Variants in SLC30A7 observed in about 807,000 individuals in gnomAD.
The protein encoded by SLC30A7 is solute carrier family 30 member 7, also known as zinc transporter 7.
In SLC30A7, 35 loss-of-function variants were observed where a neutral mutation model predicts 46.0. The ratio of observed to expected loss-of-function variants is 0.76; its 90% CI spans 0.58 to 1.01. The LOEUF (loss-of-function observed/expected upper bound fraction) is 1.01. Among genes scored for constraint, SLC30A7 ranks in the 50% least tolerant of loss-of-function variants. SLC30A7 has a pLI of 0.00. For synonymous variants in SLC30A7, 147 were observed against 157.8 expected (o/e 0.93, Z 0.51); for missense variants, 464 against 451.1 (o/e 1.03, Z -0.26).
rs1376543569 is a variant in SLC30A7, at chr1:100,960,465, TAGTG to T, written c.843-1360_843-1357del. On this transcript the variant is annotated intron_variant, in intron 8 of 10. Transcript: ENST00000357650. Reference sequence around the variant, plus strand: ...ACTTTGCTAGACCTTGAGAATATAATAGTGAGCCAGATAAGCATTGTCTCTATTC... The same window carrying T: ...ACTTTGCTAGACCTTGAGAATATAATAGCCAGATAAGCATTGTCTCTATTC... 2.0e-5 allele frequency among the ~76,000 whole-genome samples: 3 copies of T among 152,180 alleles called. No individual in the cohort carries two copies. In the East Asian group the frequency reaches 5.8e-4, roughly 29 times the overall value.
At chr1:100,955,898 A>G (rs1294491043) in intron 8 of SLC30A7, among the ~76,000 whole-genome samples, 3 of 152,114 alleles carry the variant, frequency 2.0e-5, no homozygotes, top group African/African-American at 7.2e-5. Flanking sequence ...TTTATGACCT[A>G]GTTATTGCTC....
At chr1:100,950,194 A>G (rs1335945253) in intron 8 of SLC30A7, among the ~76,000 whole-genome samples, 1 of 152,222 alleles carries the variant, frequency 6.6e-6, no homozygotes, top group East Asian at 1.9e-4. Context: ...GCCTGCCCTT[A>G]AATTAATCTG....
Position 100,977,675 on chromosome 1 carries a change from C to T in SLC30A7, c.*2818C>T, listed in dbSNP as rs1330067306. 6.6e-6 allele frequency: 1 copy of T among 152,188 alleles called. No individual in the cohort carries two copies. Among genetic ancestry groups the T allele is most frequent in the African/African-American group, 2.4e-5 (1 of 41,444 alleles). The allele number at this position is 152,188 out of a possible 1,614,324, so 9.4% of individuals were successfully genotyped here. A position where few individuals can be genotyped will look rare whatever the true frequency, so the allele number is the denominator to read the frequency against. ...CTCTGGACAACAAATTTGTATTGCT[C>T]AGGGACAGTTTACCTTGCCTGGTAA... On this transcript the variant is annotated 3_prime_UTR_variant, in exon 11 of 11. Transcript: ENST00000357650.
intron 5 of SLC30A7, among the ~76,000 whole-genome samples, chr1:100,913,177 G>T (rs1208633794): frequency 6.6e-6 from 1 of 152,100 alleles, no homozygotes; most frequent in African/African-American, 2.4e-5. Context: ...TACTGATTCT[G>T]TTACCAAATG....
At chr1:100,981,879 A>G (rs1051498894), downstream of SLC30A7, 2 of 152,260 alleles carry the variant, frequency 1.3e-5, no homozygotes, top group Admixed American at 1.3e-4. Context: ...GAGCCAAGAA[A>G]CAGCAGAACT....
chr1:100,950,826 C>A (rs1654913726), intron 8 of SLC30A7, among the ~76,000 whole-genome samples: 1 of 152,108 alleles, frequency 6.6e-6, no homozygotes, highest in South Asian at 2.1e-4. Flanking sequence ...ATTCATGTCC[C>A]CCTGTGACAT....
intron 8 of SLC30A7, chr1:100,941,220 C>A (rs998073866): frequency 2.7e-6 from 1 of 373,028 alleles, no homozygotes; most frequent in Non-Finnish European, 5.2e-6. Context: ...AAATTTGCTT[C>A]CATTATTACA....
chr1:100,983,959 G>C (rs145560613), downstream of SLC30A7, among the ~76,000 whole-genome samples: 1,003 of 152,294 alleles, frequency 6.6e-3, 10 homozygotes, highest in African/African-American at 0.022. Flanking sequence ...TTATTGTCCT[G>C]TATGTGCATC....
chr1:100,960,950 T>TG (rs1655508832), intron 8 of SLC30A7, among the ~76,000 whole-genome samples: 1 of 139,022 alleles, frequency 7.2e-6, no homozygotes, highest in African/African-American at 2.8e-5. Flanking sequence ...TTTGTGTGTT[T>TG]TTTTTTTTTT....
At chr1:100,957,508 C>A (rs1489007939) in intron 8 of SLC30A7, among the ~76,000 whole-genome samples, 1 of 152,030 alleles carries the variant, frequency 6.6e-6, no homozygotes, top group Non-Finnish European at 1.5e-5. Context: ...AAAGAAATTG[C>A]CTGGATGTTT....
chr1:100,971,605 A>G lies in SLC30A7; in HGVS notation c.1084-3205A>G, dbSNP rs566920500. Among the ~76,000 whole-genome samples, 3 of 152,296 alleles carry G rather than the reference A, an allele frequency of 2.0e-5. No individual in the cohort carries two copies. In the South Asian group the frequency reaches 6.2e-4, roughly 32 times the overall value. On this transcript the variant is annotated intron_variant, in intron 10 of 10. Transcript: ENST00000357650. Reference sequence around the variant, plus strand: ...AGCAGCTAGTATTTATTGAGAGCTCATCATGTGCCAAGTACTGTGATCAGT... The same window carrying G: ...AGCAGCTAGTATTTATTGAGAGCTCGTCATGTGCCAAGTACTGTGATCAGT...
chr1:100,907,452 C>T (rs1651753340), intron 3 of SLC30A7, among the ~76,000 whole-genome samples: 1 of 152,106 alleles, frequency 6.6e-6, no homozygotes, highest in African/African-American at 2.4e-5. Context: ...GAAGGGACTA[C>T]ATTGGATCAT....
chr1:100,896,146 C>G lies in SLC30A7; in HGVS notation c.-117C>G, dbSNP rs1368228150. 4.6e-6 allele frequency: 4 copies of G among 862,798 alleles called. No individual in the cohort carries two copies. Among genetic ancestry groups the G allele is most frequent in the Non-Finnish European group, 7.7e-6 (4 of 519,726 alleles). The allele number at this position is 862,798 out of a possible 1,614,324, so 53.4% of individuals were successfully genotyped here. On this transcript the variant is annotated 5_prime_UTR_variant, in exon 1 of 11. Coordinates refer to ENST00000357650, the MANE Select transcript of SLC30A7 (RefSeq NM_133496.5). ...TGTCTGTCTGTGTCTCGCAGCGGCG[C>G]GCGGCCCCGGACAAGCGCTGGGGAT... is the stretch of plus-strand genomic sequence containing the variant.
chr1:100,903,660 A>C (rs1651454588), intron 2 of SLC30A7, among the ~76,000 whole-genome samples: 1 of 152,192 alleles, frequency 6.6e-6, no homozygotes, highest in Non-Finnish European at 1.5e-5. Flanking sequence ...AATAAGGTTC[A>C]TGATAAAAGT....
At chr1:100,984,770 G>T (rs1319094265), downstream of SLC30A7, among the ~76,000 whole-genome samples, 2 of 152,128 alleles carry the variant, frequency 1.3e-5, no homozygotes, top group African/African-American at 4.8e-5. Context: ...ACTTGATAAA[G>T]TGCTGCAAAA....
At chr1:100,913,207 G>C (rs898811968) in intron 5 of SLC30A7, among the ~76,000 whole-genome samples, 2 of 152,120 alleles carry the variant, frequency 1.3e-5, no homozygotes, top group Non-Finnish European at 2.9e-5. Flanking sequence ...TCTTGTGTCT[G>C]CCTTAATGTG....
At chr1:100,990,527 C>T in the SLC30A7 span, 1 of 1,614,164 alleles carries the variant, frequency 6.2e-7, no homozygotes, top group South Asian at 1.1e-5. Flanking sequence ...TGCAATGGTT[C>T]TCCCAAGTCC....
intron 8 of SLC30A7, among the ~76,000 whole-genome samples, chr1:100,951,882 T>C (rs1357928712): frequency 6.6e-6 from 1 of 152,162 alleles, no homozygotes; most frequent in Non-Finnish European, 1.5e-5. Context: ...CAGATGTAAT[T>C]AAGTTAAAGA....
Position 100,927,039 on chromosome 1 carries a change from T to C in SLC30A7, c.842+5198T>C, listed in dbSNP as rs192741215. 2.3e-3 allele frequency among the ~76,000 whole-genome samples: 349 copies of C among 152,182 alleles called. 3 individuals are homozygous for C. The highest frequency in any genetic ancestry group is 3.7e-3 in the Non-Finnish European group (255 of 68,002). ...CACACTGAGGCAGGAGCATGCCAGA[T>C]ACAAGGATGACAAGAAGGGCAGTGT... On this transcript the variant is annotated intron_variant, in intron 8 of 10. Coordinates refer to ENST00000357650, the MANE Select transcript of SLC30A7 (RefSeq NM_133496.5).
Sources: allele counts gnomAD v4.1 joint callset (sites outside exome capture counted in the v4.1 genomes callset), GRCh38; gene constraint gnomAD v4.1.1; transcripts MANE v1.5; gene names NCBI Gene and HGNC (gene_info 2026-07-23, HGNC 2026-07-21).